Variants in KCNAB1 observed in about 807,000 individuals in gnomAD.
The protein encoded by KCNAB1 is voltage-gated potassium channel subunit beta-1.
In KCNAB1, 35 loss-of-function variants were observed where a neutral mutation model predicts 64.6. That is an observed-to-expected ratio of 0.54 (90% CI 0.41 to 0.72). The LOEUF (loss-of-function observed/expected upper bound fraction) is 0.72, where lower values mean the gene tolerates loss of function less well. KCNAB1 is among the 30% of genes least tolerant of loss of function. KCNAB1 has a pLI of 0.00. For missense variants in KCNAB1, 401 were observed against 512.9 expected, an observed-to-expected ratio of 0.78 and a Z score of 2.11; for synonymous variants, 177 against 183.8, an observed-to-expected ratio of 0.96 and a Z score of 0.30.
At chr3:156,467,422 T>TACTA in intron 7 of KCNAB1, among the ~76,000 whole-genome samples, 1 of 152,252 alleles carries the variant, frequency 6.6e-6, no homozygotes, top group East Asian at 1.9e-4. Flanking sequence ...ATTTAGGAAA[T>TACTA]ACTAACATCA....
intron 12 of KCNAB1, among the ~76,000 whole-genome samples, chr3:156,529,764 A>C (rs1367200109): frequency 6.6e-6 from 1 of 152,136 alleles, no homozygotes; most frequent in Non-Finnish European, 1.5e-5. Context: ...CTTAAAGAGT[A>C]CTCCCAGGTT....
intron 1 of KCNAB1, among the ~76,000 whole-genome samples, chr3:156,215,188 T>A (rs4530487): frequency 1.3e-5 from 2 of 152,000 alleles, no homozygotes; most frequent in Non-Finnish European, 2.9e-5. Context: ...AAAGAGAAGC[T>A]ATGGAAGTTA....
intron 1 of KCNAB1, among the ~76,000 whole-genome samples, chr3:156,245,408 A>G (rs531998647): frequency 9.2e-5 from 14 of 152,340 alleles, no homozygotes; most frequent in Middle Eastern, 3.4e-3. Flanking sequence ...CTTGCATAAC[A>G]TGGTACAACA....
At chr3:156,214,929 TG>T (rs1715225609) in intron 1 of KCNAB1, among the ~76,000 whole-genome samples, 2 of 152,218 alleles carry the variant, frequency 1.3e-5, no homozygotes, top group South Asian at 4.1e-4. Flanking sequence ...TCTTTCAGGG[TG>T]TACAGCCTTC....
At chr3:156,366,751 T>C (rs1389288359) in intron 1 of KCNAB1, among the ~76,000 whole-genome samples, 4 of 152,244 alleles carry the variant, frequency 2.6e-5, no homozygotes, top group East Asian at 1.9e-4. Flanking sequence ...ATCCAGTTCA[T>C]AGGGGAATCC....
At chr3:156,344,723 T>G (rs1338453381) in intron 1 of KCNAB1, among the ~76,000 whole-genome samples, 1 of 152,052 alleles carries the variant, frequency 6.6e-6, no homozygotes, top group East Asian at 1.9e-4. Flanking sequence ...AGCGAAGAGA[T>G]TTTTTTAAAT....
intron 1 of KCNAB1, among the ~76,000 whole-genome samples, chr3:156,182,640 G>A (rs1712905114): frequency 7.1e-6 from 1 of 141,804 alleles, no homozygotes; most frequent in South Asian, 2.3e-4. Context: ...CCCCCCCCCG[G>A]GTCTTATCTT....
intron 2 of KCNAB1, among the ~76,000 whole-genome samples, chr3:156,425,258 T>G (rs1715737737): frequency 6.6e-6 from 1 of 152,204 alleles, no homozygotes; most frequent in South Asian, 2.1e-4. Context: ...AAGTGATAGT[T>G]AAAGCTAACA....
chr3:156,457,115 T>A (rs1357744011), intron 3 of KCNAB1: 1 of 764,242 alleles, frequency 1.3e-6, no homozygotes, highest in East Asian at 8.7e-5. Context: ...CACACAGTGA[T>A]ACAAATGGCC....
chr3:156,263,955 A>C (rs1157295686), intron 1 of KCNAB1, among the ~76,000 whole-genome samples: 1 of 152,032 alleles, frequency 6.6e-6, no homozygotes, highest in Non-Finnish European at 1.5e-5. Context: ...ATATTCTTGC[A>C]ATTTTGCAGG....
rs1719183719 is a variant in KCNAB1 at position 156,538,115 on chromosome 3, C to CAATA, written c.*1369_*1372dup. On this transcript the variant is annotated 3_prime_UTR_variant, in exon 14 of 14. Coordinates refer to ENST00000490337, the MANE Select transcript of KCNAB1 (RefSeq NM_172160.3). ...GAAAAATTGTGAGACTATACTGTGT[C>CAATA]AATATCTGTAAAAAGAGAGAAAACA... 1 of 150,714 alleles carries CAATA rather than the reference C, an allele frequency of 6.6e-6. No homozygotes were observed. Among genetic ancestry groups the CAATA allele is most frequent in the Non-Finnish European group, 1.5e-5 (1 of 67,848 alleles). The allele number at this position is 150,714 out of a possible 1,614,324, so 9.3% of individuals were successfully genotyped here.
At chr3:156,513,574 C>A (rs568448540) in intron 8 of KCNAB1, among the ~76,000 whole-genome samples, 1 of 152,234 alleles carries the variant, frequency 6.6e-6, no homozygotes, top group South Asian at 2.1e-4. Flanking sequence ...GGTCTCCATG[C>A]TCTCTTGTTC....
At chr3:156,237,287 G>A (rs991992064) in intron 1 of KCNAB1, among the ~76,000 whole-genome samples, 1 of 152,104 alleles carries the variant, frequency 6.6e-6, no homozygotes, top group East Asian at 1.9e-4. Context: ...TTACTAAATG[G>A]ATAAAATTGC....
intron 1 of KCNAB1, among the ~76,000 whole-genome samples, chr3:156,398,068 G>C (rs1248261019): frequency 2.6e-5 from 4 of 152,048 alleles, no homozygotes; most frequent in Admixed American, 6.5e-5. Flanking sequence ...TAACTATAAA[G>C]TTCATGTCCT....
chr3:156,161,309 T>C (rs1716061692), intron 1 of KCNAB1, among the ~76,000 whole-genome samples: 1 of 152,180 alleles, frequency 6.6e-6, no homozygotes, highest in Non-Finnish European at 1.5e-5. Flanking sequence ...CATTCACCCA[T>C]TCACCATGTA....
intron 1 of KCNAB1, among the ~76,000 whole-genome samples, chr3:156,410,260 C>G (rs1714554068): frequency 6.6e-6 from 1 of 152,108 alleles, no homozygotes; most frequent in Non-Finnish European, 1.5e-5. Context: ...TAACTCATAA[C>G]CCGGTGAAAA....
chr3:156,230,946 C>T (rs561223022), intron 1 of KCNAB1, among the ~76,000 whole-genome samples: 10 of 152,276 alleles, frequency 6.6e-5, no homozygotes, highest in Admixed American at 5.9e-4. Flanking sequence ...AGCCTTCAGC[C>T]TCCCTCTTTT....
In KCNAB1 at chr3:156,536,821, C is replaced by T. The variant is rs1719092133; in HGVS notation, c.*74C>T. 1 of 1,038,288 alleles carries T rather than the reference C, an allele frequency of 9.6e-7. No individual in the cohort carries two copies. Among genetic ancestry groups the T allele is most frequent in the African/African-American group, 1.6e-5 (1 of 63,472 alleles). The allele number at this position is 1,038,288 out of a possible 1,614,324, so 64.3% of individuals were successfully genotyped here. On this transcript the variant is annotated 3_prime_UTR_variant, in exon 14 of 14. Transcript: ENST00000490337. Reference sequence around the variant, plus strand: ...CCCAGTACAGAAAGGTGTTACTAACCAGTCTTTTGAATCACTTAGCAGCTT... The same window carrying T: ...CCCAGTACAGAAAGGTGTTACTAACTAGTCTTTTGAATCACTTAGCAGCTT...
intron 1 of KCNAB1, among the ~76,000 whole-genome samples, chr3:156,184,819 C>T (rs1293459745): frequency 6.6e-6 from 1 of 152,158 alleles, no homozygotes; most frequent in East Asian, 1.9e-4. Flanking sequence ...ATACCTGTTT[C>T]TCCTGTCTCT....
Sources: allele counts gnomAD v4.1 joint callset (sites outside exome capture counted in the v4.1 genomes callset), GRCh38; gene constraint gnomAD v4.1.1; transcripts MANE v1.5; gene names NCBI Gene and HGNC (gene_info 2026-07-23, HGNC 2026-07-21).